DMXL1: variants seen among roughly 807,000 people sequenced by gnomAD.
DMXL1 encodes the protein Dmx like 1.
Under a neutral mutation model 319.2 loss-of-function variants are expected in DMXL1, and 99 were observed. The observed-to-expected ratio is 0.31, with a 90% CI of 0.26 to 0.37. The LOEUF (loss-of-function observed/expected upper bound fraction) is 0.37, where lower values mean the gene tolerates loss of function less well. DMXL1 is among the 10% of genes least tolerant of loss of function. The pLI, the probability that DMXL1 is intolerant of heterozygous loss-of-function variation, is 1.00. For synonymous variants in DMXL1, 1,385 were observed against 1,235.2 expected, an observed-to-expected ratio of 1.12 and a Z score of -2.54; for missense variants, 3,745 against 3,595.6, an observed-to-expected ratio of 1.04 and a Z score of -1.06.
intron 28 of DMXL1, among the ~76,000 whole-genome samples, chr5:119,181,325 A>G (rs1466218080): frequency 6.6e-6 from 1 of 152,224 alleles, no homozygotes; most frequent in African/African-American, 2.4e-5. Flanking sequence ...GGCTGGATAT[A>G]GTCATATCCA....
chr5:119,075,884 A>G (rs1213337562), intron 1 of DMXL1, among the ~76,000 whole-genome samples: 1 of 152,196 alleles, frequency 6.6e-6, no homozygotes, highest in African/African-American at 2.4e-5. Flanking sequence ...TGCTTTTAGA[A>G]TTAAATGTAT....
At chr5:119,158,176 G>A (rs1771508120) in intron 19 of DMXL1, among the ~76,000 whole-genome samples, 1 of 149,116 alleles carries the variant, frequency 6.7e-6, no homozygotes, top group Admixed American at 6.7e-5. Flanking sequence ...ACAGATGTGA[G>A]CCACCGGCCT....
rs767263697 is a variant in DMXL1 at position 119,134,188 on chromosome 5, C to G, written c.2254+10C>G. The G allele has an allele frequency of 6.8e-6, 11 of 1,608,534 alleles. No individual in the cohort carries two copies. The highest frequency in any genetic ancestry group is 3.4e-5 in the Admixed American group (2 of 58,804). On this transcript the variant is annotated intron_variant, in intron 12 of 43. Transcript: ENST00000539542. ...CCCAGTTATTGTCTGGGTAAGTATT[C>G]TGGTTTTTATTACAGTAATTTAGAT...
chr5:119,207,190 G>A (rs908979423), intron 34 of DMXL1, among the ~76,000 whole-genome samples: 3 of 152,060 alleles, frequency 2.0e-5, no homozygotes, highest in Admixed American at 1.3e-4. Context: ...AATAGCAATT[G>A]TCTAGTAGTA....
intron 19 of DMXL1, among the ~76,000 whole-genome samples, chr5:119,154,133 C>A (rs1272866985): frequency 6.6e-6 from 1 of 152,194 alleles, no homozygotes; most frequent in African/African-American, 2.4e-5. Context: ...TCAGACCTCC[C>A]TATTCACTGA....
chr5:119,129,450 T>C (rs1764316846), intron 10 of DMXL1, 27 bp downstream of exon 10: 2 of 1,534,734 alleles, frequency 1.3e-6, no homozygotes, highest in African/African-American at 1.4e-5. Flanking sequence ...AAGGAAAATT[T>C]AAAGTTTTGC....
At chr5:119,164,350 A>C (rs1268314860) in intron 19 of DMXL1, among the ~76,000 whole-genome samples, 157 bp from the exon 20 acceptor site, 2 of 152,212 alleles carry the variant, frequency 1.3e-5, no homozygotes, top group Non-Finnish European at 2.9e-5. Context: ...CAGTTATTTG[A>C]AGAAGGAAAA....
Position 119,170,544 on chromosome 5 carries a change from A to C in DMXL1, c.5753A>C (p.Lys1918Thr). ...TTAAAGTTGGATGCAAGGGAAGATA[A>C]GTCTTCTGCTGTTGATTGGTCACAG... is the stretch of plus-strand genomic sequence containing the variant. ...SPLKLDAREDKSSAVDWSQSL... is the reference protein window; with the variant it reads ...SPLKLDAREDTSSAVDWSQSL... The change falls in exon 24 of 44, where the codon AAG (lysine) becomes ACG (threonine). Residue 1918 changes from lysine (K) to threonine (T), a missense_variant. Around this residue, in one of 4 missense-constraint regions of DMXL1, gnomAD observed 1,382 missense variants for 1,269.5 expected, o/e 1.09. Transcript: ENST00000539542. The C allele has an allele frequency of 6.2e-7, 1 of 1,613,832 alleles. No individual in the cohort carries two copies.
At position 119,203,413 on chromosome 5, in the gene DMXL1, A is replaced by G. The variant is rs1561867219; in HGVS notation, c.7840A>G (p.Thr2614Ala). 6.2e-7 allele frequency: 1 copy of G among 1,602,254 alleles called. No individual in the cohort carries two copies. Among genetic ancestry groups the G allele is most frequent in the East Asian group, 2.2e-5 (1 of 44,448 alleles). The change falls in exon 33 of 44, where the codon ACA (threonine) becomes GCA (alanine). Residue 2614 changes from threonine (T) to alanine (A), a missense_variant. Transcript: ENST00000539542. ...GGAAACCTTTATCAAAAATATATTC[A>G]CAAAGAAACGGTGTCTAAATGAGGT... is the stretch of plus-strand genomic sequence containing the variant. ...IQETFIKNIF[T>A]KKRCLNESLE... is the part of the protein sequence containing the mutation.
intron 1 of DMXL1, among the ~76,000 whole-genome samples, chr5:119,096,571 G>A (rs1280951116): frequency 6.6e-6 from 1 of 152,192 alleles, no homozygotes; most frequent in Non-Finnish European, 1.5e-5. Flanking sequence ...AAAACAGTTT[G>A]TGTTAGATGT....
intron 8 of DMXL1, 115 bp from the exon 9 acceptor site, chr5:119,120,855 TA>T: frequency 4.9e-6 from 4 of 822,622 alleles, no homozygotes; most frequent in Non-Finnish European, 5.2e-6. Context: ...TTTTTACATA[TA>T]AAACATGTAA....
chr5:119,112,880 C>G (rs1759969040), intron 5 of DMXL1, among the ~76,000 whole-genome samples: 1 of 151,358 alleles, frequency 6.6e-6, no homozygotes, highest in South Asian at 2.1e-4. Flanking sequence ...TAGCTTGAAC[C>G]CGGTGGTGGA....
rs190229071 is a variant in DMXL1, at chr5:119,240,393, G to A, written c.8652-26G>A. 3.6e-3 allele frequency: 5,553 copies of A among 1,532,088 alleles called. 117 individuals carry two copies. The highest frequency in any genetic ancestry group is 0.034 in the Admixed American group (1,889 of 55,888). The allele number at this position is 1,532,088 out of a possible 1,614,324, so 94.9% of individuals were successfully genotyped here. On this transcript the variant is annotated intron_variant, in intron 41 of 43. Transcript: ENST00000539542. ...TTATTGTTAGCTTTTGTGTCACTCA[G>A]AAGTAATCTTTTTTTTTTTTTCCAG... is the stretch of plus-strand genomic sequence containing the variant.
intron 1 of DMXL1, among the ~76,000 whole-genome samples, chr5:119,093,340 T>G (rs1054896003): frequency 2.0e-5 from 3 of 152,202 alleles, no homozygotes; most frequent in African/African-American, 7.2e-5. Context: ...TTCACCATGT[T>G]GGCCAGGCTG....
Position 119,149,586 on chromosome 5 carries a change from T to C in DMXL1, c.3759T>C (p.Asp1253=). 6.2e-7 allele frequency: 1 copy of C among 1,613,946 alleles called. No individual in the cohort carries two copies. Among genetic ancestry groups the C allele is most frequent in the Non-Finnish European group, 8.5e-7 (1 of 1,179,916 alleles). Residue 1253 remains aspartate (D), a synonymous_variant, in exon 18 of 44, where the codon GAT becomes GAC. Coordinates refer to ENST00000539542, the MANE Select transcript of DMXL1 (RefSeq NM_001290321.3). ...CTAAACAAGAACCTGTTATAACAGATTCGTACAGTGGGAGCACTCCATCTA... is the reference window on the plus strand; with the variant it reads ...CTAAACAAGAACCTGTTATAACAGACTCGTACAGTGGGAGCACTCCATCTA... ...PSSKQEPVIT[D]SYSGSTPSIT...
At chr5:119,094,748 A>G (rs1438174806) in intron 1 of DMXL1, among the ~76,000 whole-genome samples, 4 of 152,164 alleles carry the variant, frequency 2.6e-5, no homozygotes, top group South Asian at 2.1e-4. Flanking sequence ...AGGTCAAAAT[A>G]TCAACATTAC....
intron 10 of DMXL1, chr5:119,132,929 T>A: frequency 1.6e-6 from 1 of 611,482 alleles, no homozygotes; most frequent in Non-Finnish European, 2.9e-6. Context: ...AGCATTACAT[T>A]TACTGGTTTA....
intron 32 of DMXL1, among the ~76,000 whole-genome samples, chr5:119,198,631 T>C (rs1400716164): frequency 6.6e-6 from 1 of 152,126 alleles, no homozygotes; most frequent in Non-Finnish European, 1.5e-5. Flanking sequence ...AGAAAAAAAT[T>C]ATTCTAAAAT....
chr5:119,216,970 G>T lies in DMXL1; in HGVS notation c.7996G>T (p.Ala2666Ser). 6.3e-7 allele frequency: 1 copy of T among 1,588,770 alleles called. No homozygotes were observed. Among genetic ancestry groups the T allele is most frequent in the Non-Finnish European group, 8.6e-7 (1 of 1,165,106 alleles). ...TCATAAGGAATCTGATATCATTACT[G>T]CGTTTGCTGTTAATAAGGTAAGTAC... The part of the protein sequence containing the change: ...IIHKESDIIT[A>S]FAVNKANRNC... Residue 2666 changes from alanine (A) to serine (S), a missense_variant, in exon 35 of 44, where the codon GCG becomes TCG. Physicochemically the swap from Ala to Ser is moderately conservative, Grantham distance 99. This residue lies in a region of DMXL1 where 1,382 missense variants were observed against 1,269.5 expected (regional missense o/e 1.09). Coordinates refer to ENST00000539542, the MANE Select transcript of DMXL1 (RefSeq NM_001290321.3).
Sources: allele counts gnomAD v4.1 joint callset (sites outside exome capture counted in the v4.1 genomes callset), GRCh38; gene constraint gnomAD v4.1.1; regional missense constraint gnomAD v4.1.1; transcripts MANE v1.5; gene names NCBI Gene and HGNC (gene_info 2026-07-23, HGNC 2026-07-21).